Variants in CDK14 observed in about 807,000 individuals in gnomAD.
The protein encoded by CDK14 is cyclin-dependent kinase 14.
In CDK14, 34 loss-of-function variants were observed where a neutral mutation model predicts 60.7. That is an observed-to-expected ratio of 0.56 (90% CI 0.43 to 0.75). CDK14 has a LOEUF of 0.75. CDK14 is among the 30% of genes least tolerant of loss of function. The pLI, the probability that CDK14 is intolerant of heterozygous loss-of-function variation, is 0.00. For synonymous variants in CDK14, 197 were observed against 203.7 expected, an observed-to-expected ratio of 0.97 and a Z score of 0.28; for missense variants, 482 against 564.1, an observed-to-expected ratio of 0.85 and a Z score of 1.47.
Position 91,075,625 on chromosome 7 carries a change from A to G in CDK14, c.1106-3807A>G, listed in dbSNP as rs374086384. 1.4e-4 allele frequency among the ~76,000 whole-genome samples: 21 copies of G among 152,348 alleles called. 1 individual carries two copies. The East Asian group carries it at 3.1e-3, about 22-fold the overall frequency. ...ATTGGAAGTCCTGGCCAGGGCAATC[A>G]GGCAAGAGAAAGAAATAAAGGATAT... is the stretch of plus-strand genomic sequence containing the variant. On this transcript the variant is annotated intron_variant, in intron 11 of 14. Transcript: ENST00000380050.
intron 14 of CDK14, among the ~76,000 whole-genome samples, chr7:91,125,291 T>C (rs1035136372): frequency 6.6e-6 from 1 of 152,162 alleles, no homozygotes; most frequent in African/African-American, 2.4e-5. Flanking sequence ...TTCATGTCCT[T>C]AAACACATTA....
intron 14 of CDK14, among the ~76,000 whole-genome samples, chr7:91,205,372 A>G (rs1802860789): frequency 6.6e-6 from 1 of 152,260 alleles, no homozygotes; most frequent in Non-Finnish European, 1.5e-5. Flanking sequence ...ATAATGAAGT[A>G]CTGATTCATG....
intron 4 of CDK14, among the ~76,000 whole-genome samples, chr7:90,779,405 A>G (rs1271072670): frequency 6.6e-6 from 1 of 152,138 alleles, no homozygotes; most frequent in Non-Finnish European, 1.5e-5. Flanking sequence ...GGCACGTGCC[A>G]CCATGCTCAA....
chr7:90,788,001 AC>A (rs771499387), intron 4 of CDK14, among the ~76,000 whole-genome samples: 1 of 152,222 alleles, frequency 6.6e-6, no homozygotes, highest in African/African-American at 2.4e-5. Context: ...TCAGTGTGTT[AC>A]AAGGCAAACA....
chr7:91,173,426 T>A (rs1562980865), intron 14 of CDK14, among the ~76,000 whole-genome samples: 1 of 135,264 alleles, frequency 7.4e-6, no homozygotes, highest in African/African-American at 2.7e-5. Context: ...AGACTGCATC[T>A]CTTAAAAAAA....
chr7:91,168,031 A>C (rs1355414840), intron 14 of CDK14, among the ~76,000 whole-genome samples: 1 of 152,192 alleles, frequency 6.6e-6, no homozygotes, highest in Admixed American at 6.5e-5. Flanking sequence ...TGGGAGGCCA[A>C]GGTGGCTGGA....
chr7:90,853,745 A>G (rs182882264), intron 5 of CDK14, among the ~76,000 whole-genome samples: 167 of 152,272 alleles, frequency 1.1e-3, no homozygotes, highest in African/African-American at 3.7e-3. Flanking sequence ...TGTTAAATAA[A>G]TATGTATTGG....
intron 3 of CDK14, among the ~76,000 whole-genome samples, chr7:90,736,344 G>GCTTTT (rs1563063351): frequency 6.3e-4 from 26 of 40,988 alleles, no homozygotes; most frequent in South Asian, 2.0e-3. Context: ...ACTTTATTAT[G>GCTTTT]TTTTTGTTTT....
chr7:91,194,564 C>G (rs1802474785), intron 14 of CDK14, among the ~76,000 whole-genome samples: 1 of 151,698 alleles, frequency 6.6e-6, no homozygotes, highest in Non-Finnish European at 1.5e-5. Context: ...TTCCAAATGA[C>G]ACCAGTGTTG....
intron 8 of CDK14, among the ~76,000 whole-genome samples, chr7:90,942,918 C>T (rs1793977982): frequency 6.6e-6 from 1 of 152,100 alleles, no homozygotes; most frequent in African/African-American, 2.4e-5. Context: ...TCTCTTCCTT[C>T]AGTAAAGCTG....
intron 10 of CDK14, among the ~76,000 whole-genome samples, chr7:91,010,911 A>G (rs1318903778): frequency 7.3e-6 from 1 of 136,874 alleles, no homozygotes; most frequent in African/African-American, 2.7e-5. Flanking sequence ...TAGAACCTCC[A>G]GTATAATATT....
At chr7:90,679,476 T>C (rs1029823447) in intron 2 of CDK14, among the ~76,000 whole-genome samples, 15 of 152,216 alleles carry the variant, frequency 9.9e-5, no homozygotes, top group African/African-American at 3.6e-4. Context: ...TTTAATAACC[T>C]GTAATGAAAA....
At chr7:90,761,887 A>G (rs1441735818) in intron 4 of CDK14, among the ~76,000 whole-genome samples, 3 of 152,146 alleles carry the variant, frequency 2.0e-5, no homozygotes, top group East Asian at 1.9e-4. Context: ...GGGCCAGGCA[A>G]TAGGTGTGTA....
intron 14 of CDK14, among the ~76,000 whole-genome samples, chr7:91,182,476 TCTAC>T (rs1340495169): frequency 1.3e-5 from 2 of 152,034 alleles, no homozygotes; most frequent in African/African-American, 4.8e-5. Flanking sequence ...TTCAAAGAAG[TCTAC>T]CTCCACCTCT....
intron 6 of CDK14, among the ~76,000 whole-genome samples, chr7:90,896,188 C>G (rs769109610): frequency 6.6e-6 from 1 of 151,656 alleles, no homozygotes; most frequent in Non-Finnish European, 1.5e-5. Flanking sequence ...CTTGTTGATG[C>G]TCTGACCAAA....
intron 14 of CDK14, among the ~76,000 whole-genome samples, chr7:91,177,021 G>C (rs1202260412): frequency 6.7e-6 from 1 of 149,756 alleles, no homozygotes; most frequent in Non-Finnish European, 1.5e-5. Flanking sequence ...GAGAATTTTA[G>C]ACCAATATCC....
chr7:90,994,371 A>C (rs896433582), intron 10 of CDK14, among the ~76,000 whole-genome samples: 3 of 152,162 alleles, frequency 2.0e-5, no homozygotes, highest in Admixed American at 6.5e-5. Context: ...GACCAGATGG[A>C]AACTGTGTGG....
chr7:90,979,883 T>A (rs988107287), intron 9 of CDK14: 1 of 152,218 alleles, frequency 6.6e-6, no homozygotes, highest in Non-Finnish European at 1.5e-5. Flanking sequence ...TCAGACTGTT[T>A]GTTGCATTTG....
chr7:90,698,777 G>A (rs377617961), intron 2 of CDK14, among the ~76,000 whole-genome samples: 10 of 152,204 alleles, frequency 6.6e-5, no homozygotes, highest in Admixed American at 5.9e-4. Context: ...AATTTTCCTC[G>A]TGTGTGCTGA....
Sources: gnomAD v4.1 joint callset for allele counts (sites outside exome capture counted in the v4.1 genomes callset) on GRCh38, gnomAD v4.1.1 for gene constraint, MANE v1.5 for transcripts, NCBI Gene and HGNC (gene_info 2026-07-23, HGNC 2026-07-21) for gene names.